The following WLS variants were observed in gnomAD, a reference collection of about 807,000 sequenced individuals.
WLS encodes the protein Wnt ligand secretion mediator, also known as protein wntless homolog.
In WLS, 23 loss-of-function variants were observed where a neutral mutation model predicts 62.8. The observed-to-expected ratio is 0.37, with a 90% confidence interval of 0.26 to 0.52. The LOEUF (loss-of-function observed/expected upper bound fraction) is 0.52, where lower values mean the gene tolerates loss of function less well. Among genes scored for constraint, WLS ranks in the 20% least tolerant of loss-of-function variants. WLS has a pLI of 0.92. For missense variants in WLS, 615 were observed against 697.3 expected, an observed-to-expected ratio of 0.88 and a Z score of 1.33; for synonymous variants, 246 against 244.1, an observed-to-expected ratio of 1.01 and a Z score of -0.07.
chr1:68,099,551 C>A (rs1646051076), intron 11 of WLS, among the ~76,000 whole-genome samples: 1 of 152,178 alleles, frequency 6.6e-6, no homozygotes, highest in Non-Finnish European at 1.5e-5. Flanking sequence ...ATACTCAAGT[C>A]CCTTATGTAA....
intron 5 of WLS, among the ~76,000 whole-genome samples, chr1:68,150,836 G>C (rs543342890): frequency 1.3e-5 from 2 of 152,278 alleles, no homozygotes; most frequent in East Asian, 3.9e-4. Context: ...TTGACTGCTT[G>C]TTTAGCTTTT....
At chr1:68,215,960 T>C (rs888946754) in intron 1 of WLS, among the ~76,000 whole-genome samples, 4 of 152,120 alleles carry the variant, frequency 2.6e-5, no homozygotes, top group African/African-American at 9.7e-5. Flanking sequence ...AGAGAAAAAC[T>C]CTGGACACCC....
At chr1:68,109,768 C>T (rs1055339489) in intron 11 of WLS, among the ~76,000 whole-genome samples, 1 of 151,888 alleles carries the variant, frequency 6.6e-6, no homozygotes, top group African/African-American at 2.4e-5. Flanking sequence ...ACACATACAG[C>T]TCATTTTACT....
intron 1 of WLS, among the ~76,000 whole-genome samples, chr1:68,224,284 G>A (rs1180285248): frequency 1.3e-5 from 2 of 152,162 alleles, no homozygotes; most frequent in African/African-American, 2.4e-5. Flanking sequence ...CTCAGTTTTG[G>A]GGGATTGGGT....
At chr1:68,102,719 A>C (rs1462292109) in intron 11 of WLS, 1 of 152,216 alleles carries the variant, frequency 6.6e-6, no homozygotes. Flanking sequence ...CAAGCATCTT[A>C]TTATACAGGT....
chr1:68,223,060 C>G (rs901206380), intron 1 of WLS, among the ~76,000 whole-genome samples: 5 of 152,116 alleles, frequency 3.3e-5, no homozygotes, highest in Non-Finnish European at 1.5e-5. Flanking sequence ...CCTCATGTTA[C>G]CATACTTCTA....
intron 2 of WLS, among the ~76,000 whole-genome samples, chr1:68,164,761 G>A (rs1473926011): frequency 2.6e-5 from 4 of 152,130 alleles, no homozygotes. Flanking sequence ...GTCAAAGTCT[G>A]CACACAAAAC....
At chr1:68,108,259 C>T (rs1328773960) in intron 11 of WLS, among the ~76,000 whole-genome samples, 1 of 152,128 alleles carries the variant, frequency 6.6e-6, no homozygotes, top group Non-Finnish European at 1.5e-5. Flanking sequence ...TGAATAATCC[C>T]AGCTTATTGG....
chr1:68,162,382 T>A, intron 2 of WLS: 1 of 1,613,920 alleles, frequency 6.2e-7, no homozygotes, highest in Non-Finnish European at 8.5e-7. Context: ...GGAGACGCAG[T>A]CGCTCTGATA....
At chr1:68,183,642 A>AT in intron 2 of WLS, 1 of 428,778 alleles carries the variant, frequency 2.3e-6, no homozygotes, top group Non-Finnish European at 4.7e-6. Context: ...GAAGGATGAA[A>AT]TTCAGAGAAT....
At position 68,150,178 on chromosome 1, in the gene WLS, C is replaced by T. The variant is rs760295149; in HGVS notation, c.972+10G>A. 2.0e-5 allele frequency: 33 copies of T among 1,612,848 alleles called. No homozygotes were observed. Among genetic ancestry groups the T allele is most frequent in the East Asian group, 2.0e-4 (9 of 44,874 alleles). Reference sequence around the variant, plus strand: ...TGGTACAGACGTCTGTCCCTCCCGGCGGCTCTTACCATCATGTGCTCGCCA... The same window carrying T: ...TGGTACAGACGTCTGTCCCTCCCGGTGGCTCTTACCATCATGTGCTCGCCA... On this transcript the variant is annotated intron_variant, in intron 6 of 11. Transcript: ENST00000262348.
chr1:68,134,482 C>T (rs1291654124), intron 11 of WLS, among the ~76,000 whole-genome samples: 2 of 152,098 alleles, frequency 1.3e-5, no homozygotes, highest in Non-Finnish European at 1.5e-5. Flanking sequence ...GCATATGGTC[C>T]CCAAATAGTT....
intron 11 of WLS, among the ~76,000 whole-genome samples, chr1:68,116,534 C>T (rs1210627335): frequency 1.3e-5 from 2 of 152,156 alleles, no homozygotes; most frequent in Non-Finnish European, 2.9e-5. Context: ...GGAAATCACC[C>T]AAGCTCTCTG....
chr1:68,165,748 G>T (rs552250876), intron 2 of WLS, among the ~76,000 whole-genome samples: 14 of 152,180 alleles, frequency 9.2e-5, no homozygotes, highest in Non-Finnish European at 2.1e-4. Context: ...ATTCCAAGTC[G>T]TCCATGAGTC....
intron 1 of WLS, among the ~76,000 whole-genome samples, chr1:68,201,251 T>C (rs1649000543): frequency 6.6e-6 from 1 of 152,198 alleles, no homozygotes; most frequent in African/African-American, 2.4e-5. Flanking sequence ...CCTAAAAAGA[T>C]TTCTTAATAT....
intron 1 of WLS, among the ~76,000 whole-genome samples, chr1:68,222,437 A>T (rs1649980169): frequency 6.6e-6 from 1 of 152,182 alleles, no homozygotes; most frequent in Admixed American, 6.5e-5. Flanking sequence ...GGGAGATGAC[A>T]AAGTTATTGC....
rs917330165 is a variant in WLS at position 68,163,129 on chromosome 1, A to G, written c.380-3882T>C. ...TTGCAACTCTCAGATCAAAAGGCAA[A>G]GCAGTCCTCTAAGAACTTAGGGGAA... On this transcript the variant is annotated intron_variant, in intron 2 of 11. Coordinates refer to ENST00000262348, the MANE Select transcript of WLS (RefSeq NM_024911.7). The G allele has an allele frequency of 6.4e-6, 9 of 1,400,852 alleles. No individual in the cohort carries two copies. The African/African-American group carries it at 1.0e-4, about 16-fold the overall frequency. 86.8% of individuals were successfully genotyped at this position (1,400,852 alleles called of 1,614,324 possible).
intron 1 of WLS, chr1:68,231,861 G>T (rs750382716): frequency 1.8e-5 from 2 of 109,824 alleles, no homozygotes; most frequent in South Asian, 5.1e-5. Flanking sequence ...AAAAAGCGGG[G>T]GGGGGGGGGG....
chr1:68,109,571 A>G (rs974584099), intron 11 of WLS, among the ~76,000 whole-genome samples: 3 of 152,236 alleles, frequency 2.0e-5, no homozygotes, highest in Non-Finnish European at 4.4e-5. Context: ...GAAATGGTAG[A>G]TTTGAAAAAG....
Sources: allele counts gnomAD v4.1 joint callset (sites outside exome capture counted in the v4.1 genomes callset), GRCh38; gene constraint gnomAD v4.1.1; transcripts MANE v1.5; gene names NCBI Gene and HGNC (gene_info 2026-07-23, HGNC 2026-07-21).